The following GPR55 variants were observed in gnomAD, a reference collection of about 807,000 sequenced individuals.
GPR55 encodes G protein-coupled receptor 55.
Under a neutral mutation model 7.9 loss-of-function variants are expected in GPR55, and 6 were observed. The observed-to-expected ratio is 0.76, with a 90% confidence interval of 0.41 to 1.49. The LOEUF (loss-of-function observed/expected upper bound fraction) is 1.49, where lower values mean the gene tolerates loss of function less well. Among genes scored for constraint, GPR55 ranks in the 40% most tolerant of loss-of-function variants. The probability of loss-of-function intolerance (pLI) is 0.01; values close to 1 mark genes in which losing one functional copy is unlikely to be tolerated. For synonymous variants in GPR55, 183 were observed against 166.8 expected (o/e 1.10, Z -0.75); for missense variants, 376 against 406.0 (o/e 0.93, Z 0.63).
Position 230,944,154 on chromosome 2 carries a change from C to T in GPR55, c.-135+16621G>A, listed in dbSNP as rs56088133. ...ACAACAGCATCTTGGTCCCAGATGC[C>T]GGGTCCCAGAGAGGACCTCAAGGAG... On this transcript the variant is annotated intron_variant, in intron 1 of 1. Transcript: ENST00000392039. This position sits in a 1 kb window ranked among gnomAD's most constrained non-coding sequence, Gnocchi z 4.2. Among the ~76,000 whole-genome samples the T allele has an allele frequency of 0.46, 70,480 of 152,080 alleles. 19,089 individuals carry two copies. Among genetic ancestry groups the T allele is most frequent in the African/African-American group, 0.76 (31,488 of 41,486 alleles).
At chr2:230,958,875 A>C (rs1252408348) in intron 1 of GPR55, among the ~76,000 whole-genome samples, 1 of 152,124 alleles carries the variant, frequency 6.6e-6, no homozygotes, top group Non-Finnish European at 1.5e-5. Flanking sequence ...AATAGTGATA[A>C]TCTATTTCTA....
At chr2:230,940,510 G>T (rs771436739) in intron 1 of GPR55, among the ~76,000 whole-genome samples, 15 of 152,188 alleles carry the variant, frequency 9.9e-5, no homozygotes, top group Non-Finnish European at 1.5e-4. Context: ...AGGGGCCGAA[G>T]ACAGCGTCAT....
chr2:230,912,078 C>T (rs1302495049), intron 1 of GPR55, among the ~76,000 whole-genome samples: 1 of 152,146 alleles, frequency 6.6e-6, no homozygotes, highest in Non-Finnish European at 1.5e-5. Flanking sequence ...TCCCTCCTTT[C>T]TCACCCACTC....
At chr2:230,949,929 G>A (rs1691374726) in intron 1 of GPR55, among the ~76,000 whole-genome samples, 1 of 151,716 alleles carries the variant, frequency 6.6e-6, no homozygotes, top group Non-Finnish European at 1.5e-5. Context: ...CCGCCTCCCG[G>A]GTTCAAGCAA....
upstream of GPR55, among the ~76,000 whole-genome samples, chr2:230,927,819 G>T (rs6730331): frequency 6.6e-5 from 10 of 152,294 alleles, no homozygotes; most frequent in African/African-American, 2.2e-4. Context: ...GGTGAAATTC[G>T]CTCCTTCAGC....
intron 1 of GPR55, among the ~76,000 whole-genome samples, chr2:230,941,702 T>C (rs1691236862): frequency 6.6e-6 from 1 of 152,000 alleles, no homozygotes; most frequent in Admixed American, 6.5e-5. Context: ...AGGTCTCAGG[T>C]TGAACGTCAC....
chr2:230,959,166 G>A (rs1242455100), intron 1 of GPR55, among the ~76,000 whole-genome samples: 4 of 152,166 alleles, frequency 2.6e-5, no homozygotes, highest in Non-Finnish European at 5.9e-5. Context: ...CTTCCAACAG[G>A]CCAGGCACCT....
chr2:230,933,567 C>A (rs1691087621), intron 1 of GPR55, among the ~76,000 whole-genome samples: 1 of 152,236 alleles, frequency 6.6e-6, no homozygotes, highest in Non-Finnish European at 1.5e-5. Context: ...GGTCCACAGG[C>A]CAAAGAAACT....
chr2:230,949,336 G>C (rs989440597), intron 1 of GPR55, among the ~76,000 whole-genome samples: 3 of 152,112 alleles, frequency 2.0e-5, no homozygotes, highest in African/African-American at 7.2e-5. Context: ...GATAATTTTT[G>C]TATTTTTAGT....
intron 1 of GPR55, among the ~76,000 whole-genome samples, chr2:230,946,111 A>G (rs939497876): frequency 6.6e-6 from 1 of 152,246 alleles, no homozygotes; most frequent in African/African-American, 2.4e-5. Flanking sequence ...AGCCAGACTC[A>G]GAAAGACACA....
At chr2:230,912,545 T>C (rs1251547081) in intron 1 of GPR55, among the ~76,000 whole-genome samples, 1 of 152,218 alleles carries the variant, frequency 6.6e-6, no homozygotes, top group Non-Finnish European at 1.5e-5. Context: ...TTCTCCTGCC[T>C]CAGTCTCCTT....
chr2:230,914,453 G>C (rs1690663777), intron 1 of GPR55, among the ~76,000 whole-genome samples: 1 of 152,194 alleles, frequency 6.6e-6, no homozygotes, highest in Non-Finnish European at 1.5e-5. Context: ...AGAGTGAACA[G>C]AGAATCTGAA....
At chr2:230,952,363 G>A (rs12617341) in intron 1 of GPR55, among the ~76,000 whole-genome samples, 8,146 of 152,318 alleles carry the variant, frequency 0.053, 619 homozygotes, top group East Asian at 0.41. Context: ...TGATCCAGAA[G>A]TCAGCTGGAG....
At chr2:230,913,085 T>C (rs1465541440) in intron 1 of GPR55, among the ~76,000 whole-genome samples, 1 of 152,264 alleles carries the variant, frequency 6.6e-6, no homozygotes, top group Non-Finnish European at 1.5e-5. Flanking sequence ...CATTGGTCTA[T>C]ATCAGCATAT....
Position 230,909,806 on chromosome 2 carries a change from G to A in GPR55, c.*197C>T, listed in dbSNP as rs962570294. ...TTCTTCAGAGATCCCTGAACACTGG[G>A]TGGTATAAGCTGTCTGGGCAGTGGA... On this transcript the variant is annotated 3_prime_UTR_variant, in exon 2 of 2. Coordinates refer to ENST00000650999, the MANE Select transcript of GPR55 (RefSeq NM_005683.4). 2 of 589,656 alleles carry A rather than the reference G, an allele frequency of 3.4e-6. No individual in the cohort carries two copies. The highest frequency in any genetic ancestry group is 6.0e-6 in the Non-Finnish European group (2 of 333,708). The allele number at this position is 589,656 out of a possible 1,614,324, so 36.5% of individuals were successfully genotyped here.
At chr2:230,931,438 G>A (rs1691036230) in intron 1 of GPR55, among the ~76,000 whole-genome samples, 1 of 152,200 alleles carries the variant, frequency 6.6e-6, no homozygotes, top group Admixed American at 6.5e-5. Context: ...TTGATGCAGA[G>A]CTGGGATTGG....
intron 1 of GPR55, among the ~76,000 whole-genome samples, chr2:230,939,132 G>A (rs1691179758): frequency 6.6e-6 from 1 of 152,200 alleles, no homozygotes; most frequent in Non-Finnish European, 1.5e-5. Context: ...TGCAGCCCTG[G>A]GGCCTAGGCT....
chr2:230,952,855 G>A (rs1691425378), intron 1 of GPR55, among the ~76,000 whole-genome samples: 2 of 152,156 alleles, frequency 1.3e-5, no homozygotes, highest in Admixed American at 6.6e-5. Context: ...CCTTCCAGCA[G>A]CTGAAGCCTC....
intron 1 of GPR55, among the ~76,000 whole-genome samples, chr2:230,948,778 T>C (rs532700265): frequency 6.6e-6 from 1 of 152,346 alleles, no homozygotes; most frequent in Admixed American, 6.5e-5. Context: ...ATTATTGTTT[T>C]AAAATATATT....
Sources: allele counts gnomAD v4.1 joint callset (sites outside exome capture counted in the v4.1 genomes callset), GRCh38; gene constraint gnomAD v4.1.1; non-coding constraint Gnocchi (gnomAD v3.1); transcripts MANE v1.5; gene names NCBI Gene and HGNC (gene_info 2026-07-23, HGNC 2026-07-21).